The following CFAP91 variants were observed in gnomAD, a reference collection of about 807,000 sequenced individuals.
CFAP91 encodes the protein cilia- and flagella-associated protein 91.
CFAP91 carries 85 observed loss-of-function variants against 95.9 expected under a neutral mutation model. The observed-to-expected ratio is 0.89, with a 90% CI of 0.74 to 1.06. The LOEUF is 1.06. Among genes scored for constraint, CFAP91 ranks in the 50% least tolerant of loss-of-function variants. The probability of loss-of-function intolerance (pLI) is 0.00; values close to 1 mark genes in which losing one functional copy is unlikely to be tolerated. For missense variants in CFAP91, 962 were observed against 943.4 expected, an observed-to-expected ratio of 1.02 and a Z score of -0.26; for synonymous variants, 335 against 327.5, an observed-to-expected ratio of 1.02 and a Z score of -0.25.
At position 119,726,743 on chromosome 3, in the gene CFAP91, C is replaced by T. The variant is rs113314400; in HGVS notation, c.860+395C>T. On this transcript the variant is annotated intron_variant, in intron 7 of 17. Coordinates refer to ENST00000273390, the MANE Select transcript of CFAP91 (RefSeq NM_033364.4). ...ACTGTCCCTTCATGTTCATTCCCAG[C>T]GCCACTGTCCCAGTGCCTGGGCTTT... 1.2e-4 allele frequency among the ~76,000 whole-genome samples: 18 copies of T among 151,900 alleles called. 1 individual carries two copies. Among genetic ancestry groups the T allele is most frequent in the African/African-American group, 1.4e-4 (6 of 41,430 alleles).
rs774178668 is a variant in CFAP91 at position 119,706,823 on chromosome 3, G to A, written c.139G>A (p.Val47Met). 74 of 1,613,062 alleles carry A rather than the reference G, an allele frequency of 4.6e-5. No individual in the cohort carries two copies. Among genetic ancestry groups the A allele is most frequent in the Non-Finnish European group, 6.2e-5 (73 of 1,179,474 alleles). Residue 47 changes from valine (V) to methionine (M), a missense_variant, in exon 2 of 18, where the codon GTG (valine) becomes ATG (methionine). Coordinates refer to ENST00000273390, the MANE Select transcript of CFAP91 (RefSeq NM_033364.4). ...YDFLYDPLFI[V>M]SSEKDHTQAN... ...TTATTTTGCAGATCCATTGTTTATTGTGTCAAGTGAGAAAGACCATACACA... is the reference window on the plus strand; with the variant it reads ...TTATTTTGCAGATCCATTGTTTATTATGTCAAGTGAGAAAGACCATACACA...
At chr3:119,747,040 C>A in intron 14 of CFAP91, 75 bp from the exon 15 acceptor site, 2 of 1,182,350 alleles carry the variant, frequency 1.7e-6, no homozygotes. Context: ...AAAAGTTAAC[C>A]AATGTTTGTG....
At chr3:119,737,131 A>T (rs2054024896) in intron 10 of CFAP91, among the ~76,000 whole-genome samples, 2 of 152,212 alleles carry the variant, frequency 1.3e-5, no homozygotes, top group South Asian at 4.1e-4. Context: ...TCTCAAGCTG[A>T]CCTAGCATCA....
intron 17 of CFAP91, among the ~76,000 whole-genome samples, chr3:119,764,276 C>G (rs1433935512): frequency 1.3e-5 from 2 of 152,094 alleles, no homozygotes; most frequent in South Asian, 4.1e-4. Flanking sequence ...ATAAGCAGGG[C>G]TGCTCCTGGT....
intron 17 of CFAP91, among the ~76,000 whole-genome samples, chr3:119,751,938 C>T (rs532982382): frequency 1.1e-4 from 16 of 152,314 alleles, no homozygotes; most frequent in African/African-American, 3.6e-4. Flanking sequence ...GGTATACATT[C>T]CTCCCAGTTC....
In CFAP91 at chr3:119,743,960, G is replaced by A. The variant is rs1273909672; in HGVS notation, c.1681-15G>A. ...ATGGAATTTGTGTCCTTAAAGTTAT[G>A]TTATTCTTTTCAAGGTGTCACTGGT... is the stretch of plus-strand genomic sequence containing the variant. On this transcript the variant is annotated splice_polypyrimidine_tract_variant and intron_variant, in intron 13 of 17. Coordinates refer to ENST00000273390, the MANE Select transcript of CFAP91 (RefSeq NM_033364.4). 6.3e-7 allele frequency: 1 copy of A among 1,582,170 alleles called. No homozygotes were observed. The highest frequency in any genetic ancestry group is 8.6e-7 in the Non-Finnish European group (1 of 1,161,216).
intron 5 of CFAP91, among the ~76,000 whole-genome samples, chr3:119,714,312 G>C (rs989458040): frequency 2.7e-5 from 4 of 149,380 alleles, no homozygotes; most frequent in African/African-American, 9.9e-5. Flanking sequence ...CTTGCAGTGA[G>C]CCGAGATCGC....
In CFAP91 at chr3:119,747,050, G is replaced by T. The variant is rs2054233602; in HGVS notation, c.1903-65G>T. The T allele has an allele frequency of 4.7e-6, 6 of 1,272,062 alleles. No individual in the cohort carries two copies. In the East Asian group the frequency reaches 1.5e-4, roughly 32 times the overall value. 78.8% of individuals were successfully genotyped at this position (1,272,062 alleles called of 1,614,324 possible). ...CTAGAAAAAGTTAACCAATGTTTGT[G>T]TATTTTTCTTGTGTTGTTTACAACA... On this transcript the variant is annotated intron_variant, in intron 14 of 17. Coordinates refer to ENST00000273390, the MANE Select transcript of CFAP91 (RefSeq NM_033364.4).
intron 17 of CFAP91, among the ~76,000 whole-genome samples, chr3:119,759,264 G>A (rs1260198821): frequency 2.0e-5 from 3 of 151,922 alleles, no homozygotes; most frequent in Non-Finnish European, 4.4e-5. Flanking sequence ...TTAAACTATA[G>A]TGTTTAGGAA....
intron 17 of CFAP91, among the ~76,000 whole-genome samples, chr3:119,761,231 C>T (rs905798857): frequency 6.6e-6 from 1 of 151,678 alleles, no homozygotes; most frequent in Non-Finnish European, 1.5e-5. Flanking sequence ...CTACTATAAA[C>T]AATTATATAC....
At chr3:119,710,138 A>G (rs1223567103) in intron 5 of CFAP91, 3 of 482,542 alleles carry the variant, frequency 6.2e-6, no homozygotes, top group African/African-American at 2.0e-5. Context: ...TTTGTTTCAG[A>G]AAAATATATG....
intron 6 of CFAP91, among the ~76,000 whole-genome samples, chr3:119,719,843 C>T (rs904978569): frequency 1.3e-5 from 2 of 152,230 alleles, no homozygotes; most frequent in African/African-American, 4.8e-5. Context: ...TGGCTCACAC[C>T]TGTAGTCCCA....
chr3:119,733,710 T>C (rs2053946275), intron 10 of CFAP91, among the ~76,000 whole-genome samples: 1 of 152,196 alleles, frequency 6.6e-6, no homozygotes, highest in African/African-American at 2.4e-5. Flanking sequence ...TGGAGATTTT[T>C]TTCCCCATTT....
At chr3:119,730,184 C>G (rs1430131294) in intron 7 of CFAP91, 36 bp from the exon 8 acceptor site, 5 of 1,599,008 alleles carry the variant, frequency 3.1e-6, no homozygotes, top group Non-Finnish European at 4.3e-6. Flanking sequence ...GTTTGAGATG[C>G]CATATGCTTC....
At position 119,766,478 on chromosome 3, in the gene CFAP91, C is replaced by T. The variant is rs1274480454; in HGVS notation, c.*1428C>T. 3 of 152,080 alleles carry T rather than the reference C, an allele frequency of 2.0e-5. No homozygotes were observed. The highest frequency in any genetic ancestry group is 7.2e-5 in the African/African-American group (3 of 41,400). The allele number at this position is 152,080 out of a possible 1,614,324, so 9.4% of individuals were successfully genotyped here. On this transcript the variant is annotated 3_prime_UTR_variant, in exon 18 of 18. Transcript: ENST00000273390. ...ATTTTGTTTTGTTCTTTGAAAAAGG[C>T]TAACCTGAGCTAGGTAAAGGTTATA...
At chr3:119,708,779 C>A (rs781050716) in intron 4 of CFAP91, 105 bp downstream of exon 4, 20 of 682,726 alleles carry the variant, frequency 2.9e-5, no homozygotes, top group Non-Finnish European at 4.5e-5. Flanking sequence ...ACGTGCCAGA[C>A]TCTATTTTAA....
chr3:119,713,156 A>T (rs909714528), intron 5 of CFAP91: 2 of 150,188 alleles, frequency 1.3e-5, no homozygotes, highest in African/African-American at 4.9e-5. Context: ...GTCTTGCTCC[A>T]TCACTCAGGC....
At chr3:119,713,926 A>G (rs919335943) in intron 5 of CFAP91, among the ~76,000 whole-genome samples, 1 of 152,052 alleles carries the variant, frequency 6.6e-6, no homozygotes, top group African/African-American at 2.4e-5. Context: ...GCTGTTTCAT[A>G]TTTTTTTAAA....
intron 13 of CFAP91, 76 bp from the exon 14 acceptor site, chr3:119,743,899 G>C (rs760528089): frequency 5.4e-6 from 7 of 1,290,030 alleles, no homozygotes; most frequent in Non-Finnish European, 7.4e-6. Flanking sequence ...AGAGTTTTGA[G>C]TAATCCAGCA....
Sources: allele counts gnomAD v4.1 joint callset (sites outside exome capture counted in the v4.1 genomes callset), GRCh38; gene constraint gnomAD v4.1.1; transcripts MANE v1.5; gene names NCBI Gene and HGNC (gene_info 2026-07-23, HGNC 2026-07-21).